Variants in LRRC4C observed in about 807,000 individuals in gnomAD.
LRRC4C encodes the protein leucine-rich repeat-containing protein 4C.
LRRC4C carries 5 observed loss-of-function variants against 33.6 expected under a neutral mutation model. The ratio of observed to expected loss-of-function variants is 0.15; its 90% CI spans 0.08 to 0.31. The LOEUF (loss-of-function observed/expected upper bound fraction) is 0.31. Among genes scored for constraint, LRRC4C ranks in the 10% least tolerant of loss-of-function variants. The pLI, the probability that LRRC4C is intolerant of heterozygous loss-of-function variation, is 1.00. For synonymous variants in LRRC4C, 329 were observed against 302.0 expected, an observed-to-expected ratio of 1.09 and a Z score of -0.93; for missense variants, 560 against 796.7, an observed-to-expected ratio of 0.70 and a Z score of 3.58.
At chr11:40,397,351 G>A (rs185084407) in intron 3 of LRRC4C, among the ~76,000 whole-genome samples, 158 of 152,124 alleles carry the variant, frequency 1.0e-3, no homozygotes, top group Non-Finnish European at 1.9e-4. Flanking sequence ...ATTGCTGGCA[G>A]TCATCCTAGA....
intron 2 of LRRC4C, among the ~76,000 whole-genome samples, chr11:40,918,039 A>C (rs2136332388): frequency 6.6e-6 from 1 of 152,258 alleles, no homozygotes; most frequent in Admixed American, 6.5e-5. Flanking sequence ...TCACAGAAGT[A>C]ACTCAATATC....
In LRRC4C at chr11:40,374,868, C is replaced by A. The variant is rs183696770; in HGVS notation, c.-269-55147G>T. ...AAATAAAACCCCAAATACTTTGGGACCACTTCTTCAATATCTTCATTTTAC... is the reference window on the plus strand; with the variant it reads ...AAATAAAACCCCAAATACTTTGGGAACACTTCTTCAATATCTTCATTTTAC... On this transcript the variant is annotated intron_variant, in intron 3 of 6. Transcript: ENST00000528697. 4.7e-4 allele frequency among the ~76,000 whole-genome samples: 71 copies of A among 152,228 alleles called. No individual in the cohort carries two copies. In the East Asian group the frequency reaches 0.013, roughly 28 times the overall value.
rs117002923 is a variant in LRRC4C, at chr11:41,396,150, G to A, written c.-496+63281C>T. On this transcript the variant is annotated intron_variant, in intron 1 of 6. Coordinates refer to ENST00000528697, the MANE Select transcript of LRRC4C (RefSeq NM_001258419.2). ...GGGAAGCCAAAAGATTGGACCCCCC[G>A]TTGCAGATATTAGTTTATAATTAGA... 8.9e-3 allele frequency among the ~76,000 whole-genome samples: 1,358 copies of A among 151,998 alleles called. 8 individuals carry two copies. The highest frequency in any genetic ancestry group is 0.011 in the Non-Finnish European group (773 of 67,936).
intron 3 of LRRC4C, among the ~76,000 whole-genome samples, chr11:40,439,130 A>G (rs1951276979): frequency 6.8e-6 from 1 of 146,586 alleles, no homozygotes; most frequent in African/African-American, 2.5e-5. Flanking sequence ...TTTAGTAGAG[A>G]TGGGTTTCAC....
intron 1 of LRRC4C, among the ~76,000 whole-genome samples, chr11:41,169,328 A>C (rs1944868260): frequency 6.6e-6 from 1 of 152,186 alleles, no homozygotes; most frequent in African/African-American, 2.4e-5. Flanking sequence ...TCTTCAAAAA[A>C]TATTTCATGA....
intron 1 of LRRC4C, among the ~76,000 whole-genome samples, chr11:41,355,584 G>A (rs1264840531): frequency 1.3e-5 from 2 of 152,032 alleles, no homozygotes; most frequent in East Asian, 1.9e-4. Context: ...TGTATGGATT[G>A]TTTATACTAA....
rs188615026 is a variant in LRRC4C, at chr11:40,579,414, T to G, written c.-270+68728A>C. On this transcript the variant is annotated intron_variant, in intron 3 of 6. Coordinates refer to ENST00000528697, the MANE Select transcript of LRRC4C (RefSeq NM_001258419.2). Reference sequence around the variant, plus strand: ...TTGGGTTTATGAAAATGTTTAGAACTTAAATAACAGTTTATGGTGGTCTCA... The same window carrying G: ...TTGGGTTTATGAAAATGTTTAGAACGTAAATAACAGTTTATGGTGGTCTCA... Among the ~76,000 whole-genome samples, 15 of 152,260 alleles carry G rather than the reference T, an allele frequency of 9.9e-5. No homozygotes were observed. In the East Asian group the frequency reaches 2.3e-3, roughly 24 times the overall value.
intron 1 of LRRC4C, among the ~76,000 whole-genome samples, chr11:41,126,895 C>G (rs537581028): frequency 6.6e-6 from 1 of 152,132 alleles, no homozygotes; most frequent in Non-Finnish European, 1.5e-5. Flanking sequence ...AAGGCGACAC[C>G]AGCAAAAAAG....
chr11:41,220,486 C>CTT (rs5791426), intron 1 of LRRC4C, among the ~76,000 whole-genome samples: 2,852 of 144,318 alleles, frequency 0.02, 73 homozygotes, highest in African/African-American at 0.055. Flanking sequence ...TAGAAAACAG[C>CTT]TTTTTTTTTT....
At chr11:40,382,184 G>A (rs569036531) in intron 3 of LRRC4C, among the ~76,000 whole-genome samples, 3 of 136,286 alleles carry the variant, frequency 2.2e-5, no homozygotes, top group East Asian at 4.3e-4. Flanking sequence ...GGGTTTCACC[G>A]TGTTAACTAG....
chr11:41,196,641 A>T (rs1565470957), intron 1 of LRRC4C, among the ~76,000 whole-genome samples: 1 of 152,094 alleles, frequency 6.6e-6, no homozygotes, highest in Non-Finnish European at 1.5e-5. Flanking sequence ...GAATGAATAG[A>T]TGGATAACTG....
At chr11:41,037,502 C>T (rs886995565) in intron 1 of LRRC4C, among the ~76,000 whole-genome samples, 8 of 151,418 alleles carry the variant, frequency 5.3e-5, no homozygotes, top group Non-Finnish European at 1.5e-5. Flanking sequence ...CTGTGCCTGA[C>T]CCTAGATTTT....
At chr11:40,934,714 A>G (rs1238447482) in intron 1 of LRRC4C, among the ~76,000 whole-genome samples, 1 of 151,832 alleles carries the variant, frequency 6.6e-6, no homozygotes, top group Non-Finnish European at 1.5e-5. Flanking sequence ...ACTATCTCCT[A>G]TTTCCTAGTA....
At chr11:40,288,373 T>C (rs1230262583) in intron 4 of LRRC4C, among the ~76,000 whole-genome samples, 1 of 152,210 alleles carries the variant, frequency 6.6e-6, no homozygotes, top group Non-Finnish European at 1.5e-5. Context: ...TCACACAGAT[T>C]TCAAATTGTT....
chr11:40,172,903 AG>A (rs974235119), intron 5 of LRRC4C, among the ~76,000 whole-genome samples: 1 of 152,200 alleles, frequency 6.6e-6, no homozygotes. Context: ...TTATTAGGGT[AG>A]GCTGTAATCA....
chr11:40,385,259 A>G (rs1949058894), intron 3 of LRRC4C, among the ~76,000 whole-genome samples: 1 of 152,172 alleles, frequency 6.6e-6, no homozygotes, highest in Non-Finnish European at 1.5e-5. Flanking sequence ...CATTCTTCTT[A>G]CTGGGAGGAA....
chr11:40,768,350 G>T (rs1949582391), intron 2 of LRRC4C, among the ~76,000 whole-genome samples: 1 of 151,978 alleles, frequency 6.6e-6, no homozygotes, highest in African/African-American at 2.4e-5. Context: ...AAAAACTTGG[G>T]ACCTGGTGGT....
intron 2 of LRRC4C, among the ~76,000 whole-genome samples, chr11:40,931,530 T>C (rs1019028364): frequency 1.3e-5 from 2 of 152,054 alleles, no homozygotes; most frequent in Admixed American, 1.3e-4. Context: ...TTGGCTTATT[T>C]GTGTGGTATA....
intron 1 of LRRC4C, among the ~76,000 whole-genome samples, chr11:41,074,880 T>C (rs1938987577): frequency 6.6e-6 from 1 of 152,092 alleles, no homozygotes; most frequent in Non-Finnish European, 1.5e-5. Context: ...ACAACAACAA[T>C]AAAAACTTAG....
Sources: gnomAD v4.1 joint callset for allele counts (sites outside exome capture counted in the v4.1 genomes callset) on GRCh38, gnomAD v4.1.1 for gene constraint, MANE v1.5 for transcripts, NCBI Gene and HGNC (gene_info 2026-07-23, HGNC 2026-07-21) for gene names.